GAS7: variants seen among roughly 807,000 people sequenced by gnomAD.
GAS7 encodes growth arrest specific 7.
GAS7 carries 28 observed loss-of-function variants against 71.1 expected under a neutral mutation model. The ratio of observed to expected loss-of-function variants is 0.39; its 90% CI spans 0.29 to 0.54. The LOEUF (loss-of-function observed/expected upper bound fraction) is 0.54, where lower values mean the gene tolerates loss of function less well. GAS7 is among the 20% of genes least tolerant of loss of function. The probability of loss-of-function intolerance (pLI) is 0.62; values close to 1 mark genes in which losing one functional copy is unlikely to be tolerated. For synonymous variants in GAS7, 258 were observed against 245.8 expected (o/e 1.05, Z -0.46); for missense variants, 436 against 627.8 (o/e 0.69, Z 3.27).
chr17:9,914,253 G>GTCT lies in GAS7; in HGVS notation c.*2972_*2974dup, dbSNP rs960207185. 5.1e-6 allele frequency: 1 copy of GTCT among 197,534 alleles called. No homozygotes were observed. The highest frequency in any genetic ancestry group is 1.0e-5 in the Non-Finnish European group (1 of 95,346). The allele number at this position is 197,534 out of a possible 1,614,324, so 12.2% of individuals were successfully genotyped here. A position where few individuals can be genotyped will look rare whatever the true frequency, so the allele number is the denominator to read the frequency against. On this transcript the variant is annotated 3_prime_UTR_variant, in exon 14 of 14. Transcript: ENST00000432992. Reference sequence around the variant, plus strand: ...TTATTTATAATTTTTTTGAGATGGAGTCTTGCTCTGTCACCCAAGCTGGAG... The same window carrying GTCT: ...TTATTTATAATTTTTTTGAGATGGAGTCTTCTTGCTCTGTCACCCAAGCTGGAG...
intron 1 of GAS7, chr17:10,036,316 T>C (rs1404657188): frequency 2.3e-6 from 2 of 888,172 alleles, no homozygotes; most frequent in African/African-American, 3.3e-5. Flanking sequence ...GCTCAGCAGT[T>C]AGACCCCAAA....
chr17:9,915,706 T>A lies in GAS7; in HGVS notation c.*1522A>T. 1 of 230,298 alleles carries A rather than the reference T, an allele frequency of 4.3e-6. No homozygotes were observed. Among genetic ancestry groups the A allele is most frequent in the Non-Finnish European group, 8.6e-6 (1 of 116,154 alleles). The allele number at this position is 230,298 out of a possible 1,614,324, so 14.3% of individuals were successfully genotyped here. On this transcript the variant is annotated 3_prime_UTR_variant, in exon 14 of 14. Coordinates refer to ENST00000432992, the MANE Select transcript of GAS7 (RefSeq NM_201433.2). ...GAGTTGTGCTTGTTGAATTCTGCCCTCACTGCAGATGTGCAGGTCAAACCC... is the reference window on the plus strand; with the variant it reads ...GAGTTGTGCTTGTTGAATTCTGCCCACACTGCAGATGTGCAGGTCAAACCC...
At chr17:10,126,445 C>A (rs564089485) in intron 1 of GAS7, among the ~76,000 whole-genome samples, 3 of 149,156 alleles carry the variant, frequency 2.0e-5, no homozygotes, top group Non-Finnish European at 3.0e-5. Context: ...TGCACACACG[C>A]GCGCGCGCAC....
chr17:10,014,032 G>T (rs1326894460), intron 2 of GAS7, among the ~76,000 whole-genome samples: 1 of 152,156 alleles, frequency 6.6e-6, no homozygotes, highest in Non-Finnish European at 1.5e-5. Flanking sequence ...CCCATCTCTA[G>T]CTCAGAAGTC....
chr17:9,926,790 C>T lies in GAS7; in HGVS notation c.886-21G>A. ...TGAAGCTGTTGGGAGAGTAGAGACGCACACTCAGGACCCAGGGCATCAGCT... is the reference window on the plus strand; with the variant it reads ...TGAAGCTGTTGGGAGAGTAGAGACGTACACTCAGGACCCAGGGCATCAGCT... On this transcript the variant is annotated intron_variant, in intron 9 of 13. Transcript: ENST00000432992. The surrounding 1 kb of genome is among the most constrained non-coding windows in gnomAD (Gnocchi z 5.0). 1.2e-6 allele frequency: 2 copies of T among 1,613,904 alleles called. No individual in the cohort carries two copies. The highest frequency in any genetic ancestry group is 1.7e-6 in the Non-Finnish European group (2 of 1,179,828).
chr17:10,082,671 T>C (rs2073470528), intron 1 of GAS7, among the ~76,000 whole-genome samples: 1 of 152,214 alleles, frequency 6.6e-6, no homozygotes, highest in Admixed American at 6.5e-5. Context: ...TGAAAATGTG[T>C]CCGAAAAACC....
intron 1 of GAS7, among the ~76,000 whole-genome samples, chr17:10,046,099 C>A (rs1567566590): frequency 6.6e-6 from 1 of 152,166 alleles, no homozygotes; most frequent in Non-Finnish European, 1.5e-5. Flanking sequence ...CACATCAAGT[C>A]ACCATGCAGC....
intron 4 of GAS7, among the ~76,000 whole-genome samples, chr17:9,968,786 A>G (rs1286054588): frequency 6.6e-6 from 1 of 152,174 alleles, no homozygotes; most frequent in Non-Finnish European, 1.5e-5. Flanking sequence ...CATAGAATCC[A>G]CTGCACACGC....
At chr17:10,131,956 T>C (rs984515501) in intron 1 of GAS7, among the ~76,000 whole-genome samples, 1 of 152,190 alleles carries the variant, frequency 6.6e-6, no homozygotes, top group Non-Finnish European at 1.5e-5. Context: ...CATGAATGAA[T>C]ACATGTGCTC....
At chr17:9,971,822 G>A (rs2069977360) in intron 3 of GAS7, among the ~76,000 whole-genome samples, 1 of 152,204 alleles carries the variant, frequency 6.6e-6, no homozygotes, top group Non-Finnish European at 1.5e-5. Context: ...AGGAGAATAT[G>A]GCTGAAAGTT....
chr17:10,062,822 A>C (rs1218286984), intron 1 of GAS7, among the ~76,000 whole-genome samples: 1 of 152,142 alleles, frequency 6.6e-6, no homozygotes, highest in Non-Finnish European at 1.5e-5. Context: ...ATTAGCTGAC[A>C]CTAATTCCTA....
chr17:9,924,473 A>G (rs1034207844), intron 11 of GAS7, among the ~76,000 whole-genome samples: 16 of 152,162 alleles, frequency 1.1e-4, no homozygotes, highest in East Asian at 5.8e-4. Flanking sequence ...CACCTGGCCT[A>G]TAAGTTATTT....
At chr17:10,104,697 C>T (rs2142057874) in intron 1 of GAS7, among the ~76,000 whole-genome samples, 1 of 152,244 alleles carries the variant, frequency 6.6e-6, no homozygotes, top group East Asian at 1.9e-4. Context: ...TGCTTACACC[C>T]CAAAATCTAG....
intron 2 of GAS7, among the ~76,000 whole-genome samples, chr17:9,986,528 C>A (rs758705801): frequency 2.0e-5 from 3 of 152,188 alleles, no homozygotes; most frequent in Non-Finnish European, 2.9e-5. Context: ...TTGAGCCCTC[C>A]ATGAAGGGAA....
At position 10,034,240 on chromosome 17, in the gene GAS7, A is replaced by G. The variant is rs1453238193; in HGVS notation, c.184-14343T>C. ...GGGAGGCCTCAATTGCTTCATCTCT[A>G]AAACACGGAAGTTGGACCAGATGGT... is the stretch of plus-strand genomic sequence containing the variant. On this transcript the variant is annotated intron_variant, in intron 1 of 13. Coordinates refer to ENST00000432992, the MANE Select transcript of GAS7 (RefSeq NM_201433.2). This position sits in a 1 kb window ranked among gnomAD's most constrained non-coding sequence, Gnocchi z 4.4. The G allele has an allele frequency of 1.0e-6, 1 of 984,736 alleles. No homozygotes were observed. The highest frequency in any genetic ancestry group is 1.2e-6 in the Non-Finnish European group (1 of 829,422). The allele number at this position is 984,736 out of a possible 1,614,324, so 61.0% of individuals were successfully genotyped here. A position where few individuals can be genotyped will look rare whatever the true frequency, so the allele number is the denominator to read the frequency against.
chr17:10,195,292 C>A (rs535946451), intron 1 of GAS7, among the ~76,000 whole-genome samples: 2 of 152,314 alleles, frequency 1.3e-5, no homozygotes, highest in Admixed American at 1.3e-4. Context: ...TAGCTCCCAA[C>A]TCCCCTCCCC....
At chr17:9,966,189 A>G (rs28575039) in intron 4 of GAS7, among the ~76,000 whole-genome samples, 13,525 of 151,556 alleles carry the variant, frequency 0.089, 1,561 homozygotes, top group African/African-American at 0.25. Flanking sequence ...TAGTAGAGAC[A>G]GGGTCTCACA....
intron 2 of GAS7, among the ~76,000 whole-genome samples, chr17:10,007,590 C>CA (rs1386743388): frequency 7.3e-6 from 1 of 137,810 alleles, no homozygotes; most frequent in Non-Finnish European, 1.5e-5. Flanking sequence ...CGCACCACTG[C>CA]ACTCCAGCCT....
intron 1 of GAS7, among the ~76,000 whole-genome samples, chr17:10,155,518 C>A (rs1020260114): frequency 6.6e-6 from 1 of 152,148 alleles, no homozygotes; most frequent in Non-Finnish European, 1.5e-5. Context: ...ACTGTCTCTG[C>A]AGCAAATGGC....
Sources: gnomAD v4.1 joint callset for allele counts (sites outside exome capture counted in the v4.1 genomes callset) on GRCh38, gnomAD v4.1.1 for gene constraint, Gnocchi (gnomAD v3.1) non-coding constraint, MANE v1.5 for transcripts, NCBI Gene and HGNC (gene_info 2026-07-23, HGNC 2026-07-21) for gene names.